NKAIN3: variants seen among roughly 807,000 people sequenced by gnomAD.
NKAIN3 encodes sodium/potassium-transporting ATPase subunit beta-1-interacting protein 3.
Under a neutral mutation model 30.2 loss-of-function variants are expected in NKAIN3, and 25 were observed. The observed-to-expected ratio is 0.83, with a 90% CI of 0.60 to 1.16. The LOEUF is 1.16. NKAIN3 is among the 50% of genes most tolerant of loss of function. The pLI, the probability that NKAIN3 is intolerant of heterozygous loss-of-function variation, is 0.00. For missense variants in NKAIN3, 225 were observed against 254.1 expected, an observed-to-expected ratio of 0.89 and a Z score of 0.78; for synonymous variants, 91 against 89.6, an observed-to-expected ratio of 1.02 and a Z score of -0.09.
chr8:62,427,795 A>G (rs1804855929), intron 1 of NKAIN3, among the ~76,000 whole-genome samples: 2 of 152,126 alleles, frequency 1.3e-5, no homozygotes, highest in Non-Finnish European at 2.9e-5. Context: ...AAATCTGGGT[A>G]ATTGTAATAT....
chr8:62,770,857 A>C (rs867947752), intron 4 of NKAIN3, among the ~76,000 whole-genome samples: 1 of 151,958 alleles, frequency 6.6e-6, no homozygotes, highest in East Asian at 1.9e-4. Flanking sequence ...ATTTTAACAC[A>C]AAACAAAGCA....
At chr8:62,837,392 T>A (rs989817198) in intron 4 of NKAIN3, among the ~76,000 whole-genome samples, 1 of 152,160 alleles carries the variant, frequency 6.6e-6, no homozygotes, top group African/African-American at 2.4e-5. Context: ...GAAACGCCCT[T>A]ATAGTTGGTA....
intron 3 of NKAIN3, among the ~76,000 whole-genome samples, chr8:62,677,746 C>T (rs1158559064): frequency 6.6e-6 from 1 of 152,184 alleles, no homozygotes; most frequent in East Asian, 1.9e-4. Flanking sequence ...CTTAAATCCT[C>T]TCACTTCCGC....
At chr8:62,641,301 TG>T (rs1296432298) in intron 3 of NKAIN3, among the ~76,000 whole-genome samples, 5 of 152,196 alleles carry the variant, frequency 3.3e-5, no homozygotes, top group Non-Finnish European at 5.9e-5. Context: ...CTTTGATTTT[TG>T]TTCATAAATA....
At chr8:62,328,747 T>C (rs1418124430) in intron 1 of NKAIN3, among the ~76,000 whole-genome samples, 1 of 152,134 alleles carries the variant, frequency 6.6e-6, no homozygotes, top group African/African-American at 2.4e-5. Context: ...TATTCATTTC[T>C]TTATTTAGTA....
chr8:62,508,469 C>T (rs1054977511), intron 1 of NKAIN3, among the ~76,000 whole-genome samples: 2 of 152,142 alleles, frequency 1.3e-5, no homozygotes, highest in Non-Finnish European at 2.9e-5. Flanking sequence ...CCCATTCACC[C>T]TCAAGTTAGG....
intron 1 of NKAIN3, among the ~76,000 whole-genome samples, chr8:62,573,321 C>T (rs1810005901): frequency 6.6e-6 from 1 of 152,154 alleles, no homozygotes; most frequent in African/African-American, 2.4e-5. Flanking sequence ...CATGCAGCAC[C>T]TAGCATGAGC....
chr8:62,922,629 T>C (rs1417826311), intron 5 of NKAIN3, among the ~76,000 whole-genome samples: 1 of 152,040 alleles, frequency 6.6e-6, no homozygotes, highest in Non-Finnish European at 1.5e-5. Context: ...GAGTCAAACA[T>C]GGAAAAATGT....
intron 4 of NKAIN3, among the ~76,000 whole-genome samples, chr8:62,880,131 G>T (rs1356392906): frequency 6.6e-6 from 1 of 152,170 alleles, no homozygotes; most frequent in Non-Finnish European, 1.5e-5. Flanking sequence ...TAAATTTTGT[G>T]CATGAGCTAG....
At chr8:62,748,810 C>G (rs946663885) in intron 4 of NKAIN3, among the ~76,000 whole-genome samples, 9 of 152,134 alleles carry the variant, frequency 5.9e-5, no homozygotes, top group African/African-American at 1.7e-4. Context: ...AACAGGGAAT[C>G]TGATCATTCT....
intron 4 of NKAIN3, among the ~76,000 whole-genome samples, chr8:62,754,521 C>T (rs1006684900): frequency 6.6e-6 from 1 of 152,174 alleles, no homozygotes; most frequent in African/African-American, 2.4e-5. Flanking sequence ...CTTGAATCCT[C>T]ACTGTCAATA....
chr8:62,639,785 G>A (rs1812250164), intron 3 of NKAIN3, among the ~76,000 whole-genome samples: 1 of 152,024 alleles, frequency 6.6e-6, no homozygotes. Context: ...GTTTAGTGAT[G>A]AGAAGTGAAG....
intron 4 of NKAIN3, among the ~76,000 whole-genome samples, chr8:62,836,229 A>G (rs546766997): frequency 6.6e-6 from 1 of 152,186 alleles, no homozygotes; most frequent in East Asian, 1.9e-4. Flanking sequence ...TGCTCTCCTC[A>G]CTACCTGGGT....
intron 3 of NKAIN3, among the ~76,000 whole-genome samples, chr8:62,618,388 C>T (rs376844595): frequency 2.0e-5 from 3 of 152,160 alleles, no homozygotes; most frequent in South Asian, 2.1e-4. Context: ...CTTCATGAGT[C>T]GATCCAGCAG....
intron 6 of NKAIN3, among the ~76,000 whole-genome samples, chr8:62,963,264 T>C (rs1476223547): frequency 2.0e-5 from 3 of 152,204 alleles, no homozygotes; most frequent in Non-Finnish European, 4.4e-5. Flanking sequence ...TTCCTTTGAA[T>C]GCCCTCTTTC....
Position 62,581,908 on chromosome 8 carries a change from C to A in NKAIN3, c.192+2232C>A, listed in dbSNP as rs79140970. 3.5e-3 allele frequency among the ~76,000 whole-genome samples: 278 copies of A among 79,930 alleles called. 30 individuals are homozygous for A. The highest frequency in any genetic ancestry group is 0.025 in the African/African-American group (248 of 9,762). The allele number at this position is 79,930 out of a possible 152,430, so 52.4% of individuals were successfully genotyped here. ...CCCTTCCTCCCTCCCTTCCTTCTTT[C>A]CTTCCTTCCCTCTTTCCTTTTTTCC... On this transcript the variant is annotated intron_variant, in intron 2 of 6. Transcript: ENST00000623646.
At chr8:62,756,138 A>G (rs761900444) in intron 4 of NKAIN3, among the ~76,000 whole-genome samples, 7 of 152,194 alleles carry the variant, frequency 4.6e-5, no homozygotes, top group Non-Finnish European at 8.8e-5. Flanking sequence ...GTACAATTCA[A>G]TAGCTTTCAG....
chr8:62,755,784 T>G (rs1343622944), intron 4 of NKAIN3, among the ~76,000 whole-genome samples: 1 of 152,178 alleles, frequency 6.6e-6, no homozygotes, highest in Non-Finnish European at 1.5e-5. Flanking sequence ...TTCAGTTCCA[T>G]GCTCAGAAAA....
chr8:62,388,542 A>G (rs1190323290), intron 1 of NKAIN3, among the ~76,000 whole-genome samples: 1 of 152,254 alleles, frequency 6.6e-6, no homozygotes, highest in African/African-American at 2.4e-5. Flanking sequence ...TAAAATTCAC[A>G]TTTAATTGGC....
Sources: allele counts gnomAD v4.1 joint callset (sites outside exome capture counted in the v4.1 genomes callset), GRCh38; gene constraint gnomAD v4.1.1; transcripts MANE v1.5; gene names NCBI Gene and HGNC (gene_info 2026-07-23, HGNC 2026-07-21).